The following NELL2 variants were observed in gnomAD, a reference collection of about 807,000 sequenced individuals.
NELL2 encodes the protein protein kinase C-binding protein NELL2.
A neutral mutation model predicts 109.6 loss-of-function variants in NELL2; 41 were observed. The observed-to-expected ratio is 0.37, with a 90% CI of 0.29 to 0.49. NELL2 has a LOEUF of 0.49. NELL2 is among the 20% of genes least tolerant of loss of function. NELL2 has a pLI of 0.98. For missense variants in NELL2, 900 were observed against 1,008.3 expected (o/e 0.89, Z 1.45); for synonymous variants, 355 against 344.7 (o/e 1.03, Z -0.33).
At chr12:44,611,030 C>G (rs1945602819) in intron 13 of NELL2, 60 bp from the exon 14 acceptor site, 3 of 1,556,014 alleles carry the variant, frequency 1.9e-6, no homozygotes, top group Non-Finnish European at 2.6e-6. Context: ...ATATTTTAAA[C>G]TACACCTTCA....
At chr12:44,646,262 A>C (rs1467449235) in intron 13 of NELL2, among the ~76,000 whole-genome samples, 1 of 152,182 alleles carries the variant, frequency 6.6e-6, no homozygotes, top group Non-Finnish European at 1.5e-5. Context: ...AAGCACTGAG[A>C]GTTAAGCAAC....
chr12:44,916,962 T>A (rs1945833481), upstream of NELL2, among the ~76,000 whole-genome samples: 1 of 152,222 alleles, frequency 6.6e-6, no homozygotes, highest in Non-Finnish European at 1.5e-5. Flanking sequence ...CTGTTATTTA[T>A]TCAATTTTTA....
At chr12:44,685,448 C>G (rs1008658865) in intron 12 of NELL2, among the ~76,000 whole-genome samples, 6 of 151,736 alleles carry the variant, frequency 4.0e-5, no homozygotes, top group African/African-American at 1.2e-4. Flanking sequence ...TGAATTTGAT[C>G]CAGTCATTAT....
At chr12:44,911,828 T>A in intron 1 of NELL2, among the ~76,000 whole-genome samples, 1 of 151,798 alleles carries the variant, frequency 6.6e-6, no homozygotes, top group East Asian at 1.9e-4. Flanking sequence ...ACTAAATCTT[T>A]CTGTGAGAGT....
In NELL2 at chr12:44,780,750, C is replaced by T. The variant is rs924393171; in HGVS notation, c.336-728G>A. 7.9e-5 allele frequency among the ~76,000 whole-genome samples: 12 copies of T among 152,018 alleles called. No homozygotes were observed. The South Asian group carries it at 1.9e-3, about 24-fold the overall frequency. On this transcript the variant is annotated intron_variant, in intron 3 of 19. Coordinates refer to ENST00000429094, the MANE Select transcript of NELL2 (RefSeq NM_001145108.2). ...TCATCCAGCAGTAATGAAACCACCC[C>T]GCCACAGTGCCAGCAGAAACCATAT...
intron 9 of NELL2, among the ~76,000 whole-genome samples, chr12:44,740,148 G>C (rs1199724027): frequency 6.6e-6 from 1 of 152,166 alleles, no homozygotes; most frequent in Admixed American, 6.5e-5. Context: ...ATGACTGTCT[G>C]AGTTATGGGC....
At chr12:44,805,672 G>A (rs576085460) in intron 3 of NELL2, among the ~76,000 whole-genome samples, 14 of 151,900 alleles carry the variant, frequency 9.2e-5, no homozygotes, top group African/African-American at 2.7e-4. Flanking sequence ...GATTAAGATG[G>A]AAATTTAAAC....
At chr12:44,591,130 T>A (rs1207985371) in intron 15 of NELL2, among the ~76,000 whole-genome samples, 1 of 152,042 alleles carries the variant, frequency 6.6e-6, no homozygotes, top group African/African-American at 2.4e-5. Context: ...AAATAACAAA[T>A]GCTGGCAAGG....
At chr12:44,649,673 T>C (rs1182490901) in intron 13 of NELL2, among the ~76,000 whole-genome samples, 1 of 152,218 alleles carries the variant, frequency 6.6e-6, no homozygotes, top group African/African-American at 2.4e-5. Flanking sequence ...TGTGTATTCT[T>C]TGAGCCCCCA....
At chr12:44,756,536 C>G (rs900378937) in intron 9 of NELL2, among the ~76,000 whole-genome samples, 1 of 152,110 alleles carries the variant, frequency 6.6e-6, no homozygotes, top group Admixed American at 6.6e-5. Flanking sequence ...CCACTCTAAT[C>G]TGGCGTCCTT....
chr12:44,861,906 G>A lies in NELL2; in HGVS notation c.184+13319C>T, dbSNP rs11614304. On this transcript the variant is annotated intron_variant, in intron 2 of 19. Transcript: ENST00000429094. ...AGACAAAGCCAGTCTGCAAAGACTAGAATAAGTCCCTACTCCTTCAAATGC... is the reference window on the plus strand; with the variant it reads ...AGACAAAGCCAGTCTGCAAAGACTAAAATAAGTCCCTACTCCTTCAAATGC... Among the ~76,000 whole-genome samples the A allele has an allele frequency of 8.7e-3, 1,331 of 152,348 alleles. 14 individuals are homozygous for A. Among genetic ancestry groups the A allele is most frequent in the South Asian group, 0.018 (88 of 4,834 alleles).
chr12:44,909,673 C>T (rs1259825238), intron 1 of NELL2, among the ~76,000 whole-genome samples: 1 of 151,542 alleles, frequency 6.6e-6, no homozygotes, highest in Non-Finnish European at 1.5e-5. Flanking sequence ...TATTATATTA[C>T]CCAACTTCAA....
intron 15 of NELL2, among the ~76,000 whole-genome samples, chr12:44,599,721 T>C (rs559401148): frequency 1.3e-5 from 2 of 152,270 alleles, no homozygotes; most frequent in South Asian, 2.1e-4. Context: ...GATTCAGTCG[T>C]CTAAAGGAGT....
chr12:44,788,377 C>T (rs1431708302), intron 3 of NELL2, among the ~76,000 whole-genome samples: 1 of 152,192 alleles, frequency 6.6e-6, no homozygotes, highest in Non-Finnish European at 1.5e-5. Flanking sequence ...ATCCTCTTCT[C>T]CCAAACACAC....
chr12:44,644,536 G>C (rs537920124), intron 13 of NELL2, among the ~76,000 whole-genome samples: 208 of 141,490 alleles, frequency 1.5e-3, no homozygotes, highest in Non-Finnish European at 2.3e-3. Flanking sequence ...ATCTTCTGAA[G>C]GACCTAATAA....
At chr12:44,636,792 C>A (rs1337933156) in intron 13 of NELL2, among the ~76,000 whole-genome samples, 4 of 152,074 alleles carry the variant, frequency 2.6e-5, no homozygotes, top group African/African-American at 9.7e-5. Flanking sequence ...ATGATGCTGG[C>A]CTCATAAAAT....
In NELL2 at chr12:44,703,846, A is replaced by G. The variant is rs776842281; in HGVS notation, c.1198T>C (p.Phe400Leu). The G allele has an allele frequency of 6.2e-7, 1 of 1,610,132 alleles. No individual in the cohort carries two copies. The highest frequency in any genetic ancestry group is 2.2e-5 in the East Asian group (1 of 44,822). ...ATGCAGTTATGCCTTTCAGAACAAA[A>G]GTCATAACCTACAGAAAAAAAAAGA... Reference protein sequence around the residue: ...SCCKVCKGYDFCSERHNCMEN... With the variant: ...SCCKVCKGYDLCSERHNCMEN... The change falls in exon 12 of 20, where the codon TTT becomes CTT. Residue 400 changes from phenylalanine to leucine, a missense_variant. Phe to Leu is a conservative substitution (Grantham distance 22). This residue lies in a region of NELL2 where 292 missense variants were observed against 265.3 expected (regional missense o/e 1.10). Transcript: ENST00000429094.
chr12:44,916,008 C>A (rs913954237), upstream of NELL2, among the ~76,000 whole-genome samples: 2 of 152,158 alleles, frequency 1.3e-5, no homozygotes, highest in Non-Finnish European at 2.9e-5. Context: ...TATTCACAGC[C>A]ACCACTTTTG....
intron 3 of NELL2, among the ~76,000 whole-genome samples, chr12:44,798,894 G>C (rs1035971280): frequency 6.7e-6 from 1 of 150,078 alleles, no homozygotes; most frequent in African/African-American, 2.4e-5. Context: ...AACTGTGAGG[G>C]ATCAGTTGGC....
Sources: allele counts gnomAD v4.1 joint callset (sites outside exome capture counted in the v4.1 genomes callset), GRCh38; gene constraint gnomAD v4.1.1; regional missense constraint gnomAD v4.1.1; transcripts MANE v1.5; gene names NCBI Gene and HGNC (gene_info 2026-07-23, HGNC 2026-07-21).